The following GRID1 variants were observed in gnomAD, a reference collection of about 807,000 sequenced individuals.
GRID1 encodes glutamate ionotropic receptor delta type subunit 1, also known as glutamate receptor ionotropic, delta-1.
Under a neutral mutation model 98.0 loss-of-function variants are expected in GRID1, and 28 were observed. The observed-to-expected ratio is 0.29, with a 90% confidence interval of 0.21 to 0.39. The LOEUF (loss-of-function observed/expected upper bound fraction) is 0.39, where lower values mean the gene tolerates loss of function less well. Ranked by LOEUF, GRID1 falls within the 10% of genes least tolerant of loss-of-function variation. The pLI is 1.00. For missense variants in GRID1, 1,111 were observed against 1,340.5 expected (o/e 0.83, Z 2.67); for synonymous variants, 553 against 538.5 (o/e 1.03, Z -0.37).
At chr10:86,246,142 G>T (rs911705034) in intron 2 of GRID1, among the ~76,000 whole-genome samples, 21 of 152,234 alleles carry the variant, frequency 1.4e-4, no homozygotes, top group Admixed American at 5.2e-4. Flanking sequence ...CCAGAATCTG[G>T]GAACCAGGGC....
chr10:85,615,235 G>A (rs1842774582), intron 14 of GRID1, among the ~76,000 whole-genome samples: 1 of 152,214 alleles, frequency 6.6e-6, no homozygotes, highest in Non-Finnish European at 1.5e-5. Context: ...ATGGCCTCCT[G>A]ATGGCTGGGA....
intron 8 of GRID1, among the ~76,000 whole-genome samples, chr10:85,770,414 G>C (rs1024275812): frequency 2.6e-5 from 4 of 152,188 alleles, no homozygotes; most frequent in African/African-American, 9.7e-5. Context: ...AAAAAGCAGA[G>C]CACCTCTCCT....
At chr10:86,327,504 T>C (rs967754181) in intron 2 of GRID1, among the ~76,000 whole-genome samples, 2 of 152,206 alleles carry the variant, frequency 1.3e-5, no homozygotes, top group Non-Finnish European at 2.9e-5. Flanking sequence ...TGGACACCTA[T>C]ATACTGCTCT....
At chr10:85,660,388 C>T (rs1840951802) in intron 12 of GRID1, among the ~76,000 whole-genome samples, 1 of 152,194 alleles carries the variant, frequency 6.6e-6, no homozygotes, top group South Asian at 2.1e-4. Flanking sequence ...CGCTACAGAA[C>T]ACCAGATACA....
At chr10:86,109,971 CTTTTT>C (rs56917207) in intron 4 of GRID1, among the ~76,000 whole-genome samples, 13 of 121,022 alleles carry the variant, frequency 1.1e-4, no homozygotes, top group East Asian at 2.4e-4. Context: ...CTCTGCCATT[CTTTTT>C]TTTTTTTTTT....
intron 4 of GRID1, among the ~76,000 whole-genome samples, chr10:85,927,645 T>C (rs888011671): frequency 1.3e-5 from 2 of 152,250 alleles, no homozygotes; most frequent in Non-Finnish European, 2.9e-5. Flanking sequence ...ACCCGGTGTT[T>C]ATTTTTCAAA....
rs986329433 is a variant in GRID1 at position 85,694,601 on chromosome 10, T to A, written c.1997+28402A>T. ...ATATATATATATATATATATATATA[T>A]AATGGAATATTATTCAGCCATAAAA... On this transcript the variant is annotated intron_variant, in intron 12 of 15. Transcript: ENST00000327946. 9.8e-4 allele frequency among the ~76,000 whole-genome samples: 101 copies of A among 102,700 alleles called. 2 individuals carry two copies. The Middle Eastern group carries it at 0.017, about 17-fold the overall frequency. 67.4% of individuals were successfully genotyped at this position (102,700 alleles called of 152,430 possible). A position where few individuals can be genotyped will look rare whatever the true frequency, so the allele number is the denominator to read the frequency against.
intron 15 of GRID1, among the ~76,000 whole-genome samples, chr10:85,608,883 T>G (rs895003602): frequency 2.0e-5 from 3 of 152,140 alleles, no homozygotes; most frequent in Non-Finnish European, 2.9e-5. Flanking sequence ...CTTACTCTCA[T>G]GCTAAGCCAT....
chr10:85,753,074 T>A (rs1231509688), intron 8 of GRID1, among the ~76,000 whole-genome samples: 1 of 152,190 alleles, frequency 6.6e-6, no homozygotes, highest in Non-Finnish European at 1.5e-5. Flanking sequence ...CTTCAAACTC[T>A]TCCTAGTCTT....
At position 86,331,228 on chromosome 10, in the gene GRID1, T is replaced by C. The variant is rs574503245; in HGVS notation, c.235+32713A>G. Reference sequence around the variant, plus strand: ...TCTCTGCCAGCCGCCCAGAGTATCATGGCCTCTTTAAGTGGCTCCTAGGTT... The same window carrying C: ...TCTCTGCCAGCCGCCCAGAGTATCACGGCCTCTTTAAGTGGCTCCTAGGTT... On this transcript the variant is annotated intron_variant, in intron 2 of 15. Coordinates refer to ENST00000327946, the MANE Select transcript of GRID1 (RefSeq NM_017551.3). Among the ~76,000 whole-genome samples the C allele has an allele frequency of 6.4e-4, 98 of 152,350 alleles. 2 individuals are homozygous for C. In the South Asian group the frequency reaches 0.02, roughly 31 times the overall value.
intron 13 of GRID1, among the ~76,000 whole-genome samples, chr10:85,641,077 C>T (rs894339596): frequency 6.6e-6 from 1 of 152,204 alleles, no homozygotes; most frequent in African/African-American, 2.4e-5. Flanking sequence ...CTATATTCTA[C>T]TTGACAGTGT....
intron 2 of GRID1, among the ~76,000 whole-genome samples, chr10:86,359,279 C>G (rs1848572241): frequency 6.6e-6 from 1 of 152,156 alleles, no homozygotes; most frequent in South Asian, 2.1e-4. Flanking sequence ...AAGAGCGTGG[C>G]CTCGATGGGA....
intron 8 of GRID1, among the ~76,000 whole-genome samples, chr10:85,738,499 T>C (rs1841908847): frequency 6.6e-6 from 1 of 152,222 alleles, no homozygotes; most frequent in Admixed American, 6.5e-5. Context: ...CTCCTAGACA[T>C]TACATAAGGG....
chr10:85,869,054 A>T lies in GRID1; in HGVS notation c.907T>A (p.Ser303Thr), dbSNP rs1843250768. The T allele has an allele frequency of 6.2e-7, 1 of 1,614,024 alleles. No homozygotes were observed. Among genetic ancestry groups the T allele is most frequent in the Admixed American group, 1.7e-5 (1 of 60,012 alleles). The stretch of plus-strand genomic sequence containing the variant: ...CCTTCCTGGGGGTCGCAGAGCAGGG[A>T]GGAGATGCGGTGGTTGTTCCTCGTG... ...KCTRNNHRIS[S>T]LLCDPQEGYL... The change falls in exon 6 of 16, where the codon TCC becomes ACC. Residue 303 changes from serine to threonine, a missense_variant. By Grantham distance (58) the Ser-to-Thr change is moderately conservative. Around this residue, in one of 3 missense-constraint regions of GRID1, gnomAD observed 346 missense variants for 452.3 expected, o/e 0.76. Transcript: ENST00000327946.
At chr10:85,989,733 A>G (rs184616578) in intron 4 of GRID1, among the ~76,000 whole-genome samples, 14 of 152,320 alleles carry the variant, frequency 9.2e-5, no homozygotes, top group African/African-American at 2.9e-4. Context: ...GGTGCCAAAA[A>G]GGCTGGAGAC....
intron 2 of GRID1, among the ~76,000 whole-genome samples, chr10:86,303,277 G>T (rs1207943972): frequency 6.6e-6 from 1 of 152,204 alleles, no homozygotes; most frequent in East Asian, 1.9e-4. Flanking sequence ...TTTAAATCCA[G>T]ATGTAAATGG....
At chr10:85,774,172 A>G (rs1430842061) in intron 8 of GRID1, among the ~76,000 whole-genome samples, 14 of 152,116 alleles carry the variant, frequency 9.2e-5, no homozygotes, top group African/African-American at 2.9e-4. Flanking sequence ...ATAACGCCGC[A>G]TATCTACAAC....
At chr10:86,098,826 G>A (rs776912180) in intron 4 of GRID1, among the ~76,000 whole-genome samples, 11 of 152,126 alleles carry the variant, frequency 7.2e-5, no homozygotes, top group South Asian at 2.1e-4. Context: ...TTCTTTGCAC[G>A]TTTACCTACT....
At chr10:85,740,054 C>T (rs186101006) in intron 8 of GRID1, among the ~76,000 whole-genome samples, 103 of 152,298 alleles carry the variant, frequency 6.8e-4, no homozygotes, top group Non-Finnish European at 1.2e-3. Flanking sequence ...TTTGAAACTG[C>T]AGTGCAATCT....
Sources: gnomAD v4.1 joint callset for allele counts (sites outside exome capture counted in the v4.1 genomes callset) on GRCh38, gnomAD v4.1.1 for gene constraint, gnomAD v4.1.1 regional missense constraint, MANE v1.5 for transcripts, NCBI Gene and HGNC (gene_info 2026-07-23, HGNC 2026-07-21) for gene names.